The following RDH12 variants were observed in gnomAD, a reference collection of about 807,000 sequenced individuals.
RDH12 encodes the protein retinol dehydrogenase 12.
In RDH12, 21 loss-of-function variants were observed where a neutral mutation model predicts 34.0. The ratio of observed to expected loss-of-function variants is 0.62; its 90% CI spans 0.44 to 0.89. RDH12 has a LOEUF of 0.89. Among genes scored for constraint, RDH12 ranks in the 40% least tolerant of loss-of-function variants. The pLI, the probability that RDH12 is intolerant of heterozygous loss-of-function variation, is 0.00. For missense variants in RDH12, 394 were observed against 398.6 expected (o/e 0.99, Z 0.10); for synonymous variants, 198 against 169.9 (o/e 1.17, Z -1.29).
At chr14:67,721,318 G>A (rs1459822557) in intron 2 of RDH12, among the ~76,000 whole-genome samples, 3 of 151,996 alleles carry the variant, frequency 2.0e-5, no homozygotes, top group Non-Finnish European at 4.4e-5. Context: ...CCAGAGGCAC[G>A]ATCCTAGCTC....
intron 3 of RDH12, 30 bp from the exon 4 acceptor site, chr14:67,724,443 A>G (rs769472483): frequency 7.3e-7 from 1 of 1,366,672 alleles, no homozygotes; most frequent in Non-Finnish European, 1.0e-6. Flanking sequence ...GAAGGATGGT[A>G]CGTGATGCTC....
chr14:67,709,632 G>A (rs186686483), intron 1 of RDH12, among the ~76,000 whole-genome samples: 25 of 152,306 alleles, frequency 1.6e-4, no homozygotes, highest in Admixed American at 1.5e-3. Flanking sequence ...CCTGGGCCTT[G>A]AGGAGTTTAA....
At chr14:67,730,352 T>G (rs998209479) in intron 8 of RDH12, among the ~76,000 whole-genome samples, 2 of 152,170 alleles carry the variant, frequency 1.3e-5, no homozygotes, top group African/African-American at 2.4e-5. Flanking sequence ...TAGTCCAGAT[T>G]GAGATGCACT....
intron 1 of RDH12, among the ~76,000 whole-genome samples, chr14:67,704,158 T>C (rs1274795610): frequency 6.6e-6 from 1 of 152,176 alleles, no homozygotes; most frequent in East Asian, 1.9e-4. Flanking sequence ...GAAATGTGTG[T>C]ATTGTGAAAT....
At position 67,727,072 on chromosome 14, in the gene RDH12, T is replaced by G. The variant is rs778933833; in HGVS notation, c.540T>G (p.Ile180Met). Residue 180 changes from isoleucine to methionine, a missense_variant, in exon 7 of 9, where the codon ATT (isoleucine) becomes ATG (methionine). By Grantham distance (10) the Ile-to-Met change is conservative. Transcript: ENST00000551171. ...VVNVSSVAHH[I>M]GKIPFHDLQS... ...ATGTGTCCTCGGTGGCTCACCACATTGGCAAGATTCCCTTCCACGACCTCC... is the reference window on the plus strand; with the variant it reads ...ATGTGTCCTCGGTGGCTCACCACATGGGCAAGATTCCCTTCCACGACCTCC... 1 of 1,614,132 alleles carries G rather than the reference T, an allele frequency of 6.2e-7. No individual in the cohort carries two copies. Among genetic ancestry groups the G allele is most frequent in the Admixed American group, 1.7e-5 (1 of 60,014 alleles).
At position 67,722,660 on chromosome 14, in the gene RDH12, A is replaced by C; in HGVS notation, c.18A>C (p.Gly6=). The change falls in exon 3 of 9, where the codon GGA becomes GGC. Residue 6 remains glycine, a synonymous_variant. Transcript: ENST00000551171. MLVTL[G]LLTSFFSFLY... ...TTGGAACGATGCTGGTCACCTTGGGACTGCTCACCTCCTTCTTCTCGTTCC... is the reference window on the plus strand; with the variant it reads ...TTGGAACGATGCTGGTCACCTTGGGCCTGCTCACCTCCTTCTTCTCGTTCC... The C allele has an allele frequency of 6.2e-7, 1 of 1,613,938 alleles. No homozygotes were observed. The highest frequency in any genetic ancestry group is 8.5e-7 in the Non-Finnish European group (1 of 1,179,826).
At position 67,725,252 on chromosome 14, in the gene RDH12, C is replaced by A; in HGVS notation, c.341C>A (p.Ala114Glu). The A allele has an allele frequency of 6.2e-7, 1 of 1,613,018 alleles. No individual in the cohort carries two copies. The highest frequency in any genetic ancestry group is 8.5e-7 in the Non-Finnish European group (1 of 1,179,968). ...CGAGCCTTTGCTGAGGGCTTTCTGG[C>A]AGGTGAGGTCCTGATGGGTAGGTAG... ...SIRAFAEGFL[A>E]EEKQLHILIN... The change falls in exon 5 of 9, where the codon GCA (alanine) becomes GAA (glutamate). Residue 114 changes from alanine to glutamate, a missense_variant and splice_region_variant. Coordinates refer to ENST00000551171, the MANE Select transcript of RDH12 (RefSeq NM_152443.3).
chr14:67,720,139 C>T (rs987562108), intron 1 of RDH12, among the ~76,000 whole-genome samples: 2 of 152,204 alleles, frequency 1.3e-5, no homozygotes, highest in African/African-American at 2.4e-5. Context: ...TGAAAAGTGG[C>T]TCCCAGTATA....
intron 4 of RDH12, 79 bp downstream of exon 4, chr14:67,724,670 T>A: frequency 9.0e-7 from 1 of 1,110,932 alleles, no homozygotes; most frequent in East Asian, 2.4e-5. Context: ...CATATTGCTT[T>A]GTGTTTCCTC....
chr14:67,712,611 T>A (rs1197367493), intron 1 of RDH12, among the ~76,000 whole-genome samples: 1 of 152,040 alleles, frequency 6.6e-6, no homozygotes, highest in African/African-American at 2.4e-5. Context: ...TTAAGCTGAC[T>A]TTTAACCATT....
chr14:67,719,938 C>A (rs2140133485), intron 1 of RDH12, among the ~76,000 whole-genome samples: 1 of 152,156 alleles, frequency 6.6e-6, no homozygotes, highest in South Asian at 2.1e-4. Flanking sequence ...ATAATGGTAA[C>A]CTTATAAATA....
At chr14:67,708,776 G>A (rs12884764) in intron 1 of RDH12, among the ~76,000 whole-genome samples, 18,932 of 150,750 alleles carry the variant, frequency 0.13, 1,455 homozygotes, top group South Asian at 0.34. Flanking sequence ...CGGACTCTAG[G>A]GAACCTATTA....
intron 1 of RDH12, among the ~76,000 whole-genome samples, chr14:67,706,945 G>T (rs946357871): frequency 2.0e-5 from 3 of 152,114 alleles, no homozygotes; most frequent in Non-Finnish European, 2.9e-5. Context: ...GAGAAATTAG[G>T]GGGAGGAAGG....
chr14:67,712,255 C>G (rs1005726399), intron 1 of RDH12, among the ~76,000 whole-genome samples: 4 of 151,998 alleles, frequency 2.6e-5, no homozygotes, highest in Non-Finnish European at 5.9e-5. Flanking sequence ...TCTCTGAGCT[C>G]TGGGAGGAGC....
chr14:67,729,312 G>A lies in RDH12; in HGVS notation c.780G>A (p.Glu260=), dbSNP rs140821098. The stretch of plus-strand genomic sequence containing the variant: ...CCCCCTTTGTCAAGACGGCACGGGA[G>A]GGGGCGCAGACCAGCCTGCACTGCG... The part of the protein sequence containing the change: ...LFSPFVKTAR[E]GAQTSLHCAL... Residue 260 remains glutamate (E), a synonymous_variant, in exon 8 of 9, where the codon GAG becomes GAA. Transcript: ENST00000551171. The A allele has an allele frequency of 9.4e-6, 15 of 1,600,908 alleles. No homozygotes were observed. The highest frequency in any genetic ancestry group is 1.7e-5 in the Admixed American group (1 of 60,000).
rs770465995 is a variant in RDH12 at position 67,729,290 on chromosome 14, C to G, written c.758C>G (p.Pro253Arg). ...LLCLLWRLFS[P>R]FVKTAREGAQ... ...TGCCTGCTCTGGCGGCTCTTCTCCC[C>G]CTTTGTCAAGACGGCACGGGAGGGG... Residue 253 changes from proline (P) to arginine (R), a missense_variant, in exon 8 of 9, where the codon CCC becomes CGC. Transcript: ENST00000551171. 2.6e-5 allele frequency: 41 copies of G among 1,604,394 alleles called. No homozygotes were observed. Among genetic ancestry groups the G allele is most frequent in the Non-Finnish European group, 3.1e-5 (36 of 1,179,958 alleles).
At chr14:67,721,767 A>G (rs948874739) in intron 2 of RDH12, among the ~76,000 whole-genome samples, 5 of 149,080 alleles carry the variant, frequency 3.4e-5, no homozygotes, top group Non-Finnish European at 7.4e-5. Flanking sequence ...ATATATATGT[A>G]TAACACATAT....
intron 8 of RDH12, chr14:67,729,882 A>T (rs904887160): frequency 2.0e-5 from 9 of 449,766 alleles, no homozygotes; most frequent in African/African-American, 1.6e-4. Context: ...ATGAGCAACT[A>T]GAGTCTGGGA....
chr14:67,727,491 T>C (rs142798589), intron 7 of RDH12: 1 of 356,434 alleles, frequency 2.8e-6, no homozygotes, highest in Non-Finnish European at 5.3e-6. Context: ...TTTTGTTTTT[T>C]TTTTTTTGAG....
Sources: allele counts gnomAD v4.1 joint callset (sites outside exome capture counted in the v4.1 genomes callset), GRCh38; gene constraint gnomAD v4.1.1; transcripts MANE v1.5; gene names NCBI Gene and HGNC (gene_info 2026-07-23, HGNC 2026-07-21).